Variants in MTHFD2L observed in about 807,000 individuals in gnomAD.
MTHFD2L encodes methylenetetrahydrofolate dehydrogenase (NADP+ dependent) 2 like, also known as bifunctional methylenetetrahydrofolate dehydrogenase/cyclohydrolase 2, mitochondrial.
In MTHFD2L, 29 loss-of-function variants were observed where a neutral mutation model predicts 34.9. The observed-to-expected ratio is 0.83, with a 90% CI of 0.62 to 1.13. MTHFD2L has a LOEUF of 1.13. Among genes scored for constraint, MTHFD2L ranks in the 50% most tolerant of loss-of-function variants. The pLI, the probability that MTHFD2L is intolerant of heterozygous loss-of-function variation, is 0.00. For missense variants in MTHFD2L, 481 were observed against 446.5 expected, an observed-to-expected ratio of 1.08 and a Z score of -0.70; for synonymous variants, 167 against 155.7, an observed-to-expected ratio of 1.07 and a Z score of -0.54.
At chr4:74,203,080 G>T (rs1734718656) in intron 5 of MTHFD2L, among the ~76,000 whole-genome samples, 1 of 152,064 alleles carries the variant, frequency 6.6e-6, no homozygotes, top group South Asian at 2.1e-4. Flanking sequence ...GATGAATGAT[G>T]ACACTTTTGA....
In MTHFD2L at chr4:74,246,786, A is replaced by T. The variant is rs545315755; in HGVS notation, c.805+21392A>T. Among the ~76,000 whole-genome samples, 32 of 152,148 alleles carry T rather than the reference A, an allele frequency of 2.1e-4. No homozygotes were observed. The South Asian group carries it at 2.3e-3, about 11-fold the overall frequency. On this transcript the variant is annotated intron_variant, in intron 6 of 7. Transcript: ENST00000325278. Reference sequence around the variant, plus strand: ...TCAGGTTTGTCAAAGATCAGATAGGAGTAGATATGCGGCATTATTTCTGAG... The same window carrying T: ...TCAGGTTTGTCAAAGATCAGATAGGTGTAGATATGCGGCATTATTTCTGAG...
intron 3 of MTHFD2L, among the ~76,000 whole-genome samples, chr4:74,197,487 A>G (rs1733687240): frequency 6.6e-6 from 1 of 152,188 alleles, no homozygotes; most frequent in African/African-American, 2.4e-5. Flanking sequence ...AGGAGAAACA[A>G]TACATTTCTT....
intron 2 of MTHFD2L, among the ~76,000 whole-genome samples, chr4:74,115,113 G>A (rs577619069): frequency 6.6e-6 from 1 of 152,310 alleles, no homozygotes; most frequent in Non-Finnish European, 1.5e-5. Flanking sequence ...GGGAGGGCAA[G>A]GGAGACATTT....
chr4:74,134,420 G>A (rs978628006), intron 1 of MTHFD2L, among the ~76,000 whole-genome samples: 5 of 151,968 alleles, frequency 3.3e-5, no homozygotes, highest in Non-Finnish European at 1.5e-5. Context: ...AAAAGTCAAG[G>A]TAAACATAGG....
At chr4:74,293,148 A>C (rs1241187480) in intron 7 of MTHFD2L, among the ~76,000 whole-genome samples, 2 of 152,220 alleles carry the variant, frequency 1.3e-5, no homozygotes, top group African/African-American at 4.8e-5. Flanking sequence ...TGCACCCATC[A>C]ACCCATTGTC....
intron 1 of MTHFD2L, among the ~76,000 whole-genome samples, chr4:74,166,525 C>A (rs1241371670): frequency 6.6e-6 from 1 of 152,220 alleles, no homozygotes; most frequent in Admixed American, 6.5e-5. Context: ...TCACTGATTA[C>A]AATTCACTAA....
At chr4:74,281,386 T>C (rs1747455217) in intron 6 of MTHFD2L, 39 bp from the exon 7 acceptor site, 2 of 1,585,494 alleles carry the variant, frequency 1.3e-6, no homozygotes, top group African/African-American at 1.4e-5. Context: ...ATGTACACCT[T>C]TGTTATGCTG....
At chr4:74,119,084 T>A (rs1444586765), upstream of MTHFD2L, among the ~76,000 whole-genome samples, 2 of 152,152 alleles carry the variant, frequency 1.3e-5, no homozygotes, top group Non-Finnish European at 2.9e-5. Flanking sequence ...ACCCTGTCAG[T>A]GAGTGGCAGG....
chr4:74,149,849 A>G (rs1401439370), intron 1 of MTHFD2L, among the ~76,000 whole-genome samples: 1 of 152,200 alleles, frequency 6.6e-6, no homozygotes, highest in African/African-American at 2.4e-5. Flanking sequence ...ACTTGTGAAT[A>G]TATCACCTTA....
intron 2 of MTHFD2L, among the ~76,000 whole-genome samples, chr4:74,116,345 C>T (rs1371219341): frequency 1.3e-5 from 2 of 152,164 alleles, no homozygotes; most frequent in Non-Finnish European, 2.9e-5. Flanking sequence ...CGAGTACCCT[C>T]AACTCAACTT....
intron 6 of MTHFD2L, among the ~76,000 whole-genome samples, chr4:74,275,598 A>G (rs1306831732): frequency 1.3e-5 from 2 of 151,998 alleles, no homozygotes; most frequent in Admixed American, 6.6e-5. Flanking sequence ...CCACTGCCTC[A>G]CCAGCATGTT....
chr4:74,267,805 G>A (rs188605354), intron 6 of MTHFD2L: 2 of 985,306 alleles, frequency 2.0e-6, no homozygotes, highest in Non-Finnish European at 2.4e-6. Flanking sequence ...CAGAAATATG[G>A]TCCAAGGCAG....
At chr4:74,254,206 C>CAA (rs1464296057) in intron 6 of MTHFD2L, among the ~76,000 whole-genome samples, 2 of 152,090 alleles carry the variant, frequency 1.3e-5, no homozygotes, top group Non-Finnish European at 2.9e-5. Flanking sequence ...CAAAGAACCC[C>CAA]AAATAAATTA....
At chr4:74,218,975 TAAC>T (rs536689867) in intron 5 of MTHFD2L, among the ~76,000 whole-genome samples, 8 of 151,998 alleles carry the variant, frequency 5.3e-5, no homozygotes, top group Admixed American at 1.3e-4. Flanking sequence ...AAAATATAAA[TAAC>T]AACAAAAATA....
At chr4:74,288,602 C>T (rs1305877493) in intron 7 of MTHFD2L, 1 of 152,136 alleles carries the variant, frequency 6.6e-6, no homozygotes, top group East Asian at 1.9e-4. Context: ...TTCTGAAAAA[C>T]CTCAGGGGAC....
Position 74,241,710 on chromosome 4 carries a change from A to T in MTHFD2L, c.805+16316A>T, listed in dbSNP as rs556229770. On this transcript the variant is annotated intron_variant, in intron 6 of 7. Transcript: ENST00000325278. ...AGTATTTTAGACCTTAGAAAAACCT[A>T]TCTAGTTTTAAATTTGTCTTATTAA... is the stretch of plus-strand genomic sequence containing the variant. The T allele has an allele frequency of 8.9e-4, 167 of 188,476 alleles. 2 individuals are homozygous for T. The highest frequency in any genetic ancestry group is 6.5e-3 in the Middle Eastern group (4 of 618). The allele number at this position is 188,476 out of a possible 1,614,324, so 11.7% of individuals were successfully genotyped here.
chr4:74,269,378 C>T (rs1176149546), intron 6 of MTHFD2L, among the ~76,000 whole-genome samples: 2 of 152,110 alleles, frequency 1.3e-5, no homozygotes, highest in South Asian at 2.1e-4. Flanking sequence ...AATTCAATTT[C>T]ATATGCTACT....
intron 6 of MTHFD2L, among the ~76,000 whole-genome samples, chr4:74,232,755 T>G (rs968568834): frequency 6.6e-6 from 1 of 152,206 alleles, no homozygotes; most frequent in Admixed American, 6.5e-5. Context: ...AAACAATTCT[T>G]TTGCCTTGTA....
intron 6 of MTHFD2L, chr4:74,241,587 C>T (rs1560522379): frequency 4.5e-6 from 2 of 448,480 alleles, no homozygotes; most frequent in Admixed American, 2.4e-5. Context: ...CCATTTTGCC[C>T]AGGACCTCTC....
Sources: gnomAD v4.1 joint callset for allele counts (sites outside exome capture counted in the v4.1 genomes callset) on GRCh38, gnomAD v4.1.1 for gene constraint, MANE v1.5 for transcripts, NCBI Gene and HGNC (gene_info 2026-07-23, HGNC 2026-07-21) for gene names.